Variants in ADAMTS16 observed in about 807,000 individuals in gnomAD.
ADAMTS16 encodes A disintegrin and metalloproteinase with thrombospondin motifs 16.
Under a neutral mutation model 145.8 loss-of-function variants are expected in ADAMTS16, and 94 were observed. The observed-to-expected ratio is 0.64, with a 90% confidence interval of 0.55 to 0.77. The LOEUF is 0.77. ADAMTS16 is among the 30% of genes least tolerant of loss of function. The probability of loss-of-function intolerance (pLI) is 0.00; values close to 1 mark genes in which losing one functional copy is unlikely to be tolerated. For synonymous variants in ADAMTS16, 659 were observed against 604.3 expected (o/e 1.09, Z -1.33); for missense variants, 1,585 against 1,591.5 (o/e 1.00, Z 0.07).
At chr5:5,236,700 T>C (rs1560961971) in intron 13 of ADAMTS16, among the ~76,000 whole-genome samples, 1 of 152,158 alleles carries the variant, frequency 6.6e-6, no homozygotes, top group Non-Finnish European at 1.5e-5. Flanking sequence ...CAAATATTTA[T>C]TGAATGCCTA....
At chr5:5,152,697 C>G (rs1203988606) in intron 3 of ADAMTS16, among the ~76,000 whole-genome samples, 1 of 152,186 alleles carries the variant, frequency 6.6e-6, no homozygotes, top group Non-Finnish European at 1.5e-5. Flanking sequence ...AACCATGGCT[C>G]AAACACTACC....
At chr5:5,215,377 G>A (rs1050921964) in intron 10 of ADAMTS16, among the ~76,000 whole-genome samples, 4 of 152,038 alleles carry the variant, frequency 2.6e-5, no homozygotes, top group African/African-American at 7.2e-5. Flanking sequence ...TGGGGTACAG[G>A]TGGTATTTGG....
intron 2 of ADAMTS16, among the ~76,000 whole-genome samples, chr5:5,145,509 G>A (rs150760907): frequency 8.5e-5 from 13 of 152,314 alleles, no homozygotes; most frequent in African/African-American, 3.1e-4. Context: ...CAAAATCCAG[G>A]TCGTTCTTCT....
chr5:5,196,497 G>A (rs150061764), intron 8 of ADAMTS16, among the ~76,000 whole-genome samples: 1 of 152,286 alleles, frequency 6.6e-6, no homozygotes, highest in East Asian at 1.9e-4. Flanking sequence ...CATCTGGACT[G>A]GGGATTGTCA....
intron 3 of ADAMTS16, among the ~76,000 whole-genome samples, chr5:5,149,656 T>A (rs2560413): frequency 1 from 151,795 of 152,340 alleles, 75,647 homozygotes; most frequent in Middle Eastern, 1. Flanking sequence ...TTGTGCAAAT[T>A]TCACTAGAAT....
In ADAMTS16 at chr5:5,168,689, T is replaced by C. The variant is rs1412203521; in HGVS notation, c.502-13355T>C. Among the ~76,000 whole-genome samples the C allele has an allele frequency of 1.7e-4, 3 of 17,968 alleles. No homozygotes were observed. In the East Asian group the frequency reaches 2.0e-3, roughly 12 times the overall value. 11.8% of individuals were successfully genotyped at this position (17,968 alleles called of 152,430 possible). On this transcript the variant is annotated intron_variant, in intron 3 of 22. Coordinates refer to ENST00000274181, the MANE Select transcript of ADAMTS16 (RefSeq NM_139056.4). ...TATATAATAATTATAATTATATAATTATATAAATATAATATATAATAATTA... is the reference window on the plus strand; with the variant it reads ...TATATAATAATTATAATTATATAATCATATAAATATAATATATAATAATTA...
rs1177843449 is a variant in ADAMTS16, at chr5:5,146,308, A to C, written c.354A>C (p.Leu118=). 2 of 1,614,194 alleles carry C rather than the reference A, an allele frequency of 1.2e-6. No individual in the cohort carries two copies. The change falls in exon 3 of 23, where the codon CTA becomes CTC. Residue 118 remains leucine (L), a synonymous_variant. Transcript: ENST00000274181. ...TGGATCTGAGGACTTCCAGCAGCCTAGTGGCTCCTGGCTTTATTGTGCAGA... is the reference window on the plus strand; with the variant it reads ...TGGATCTGAGGACTTCCAGCAGCCTCGTGGCTCCTGGCTTTATTGTGCAGA... ...FHMDLRTSSS[L]VAPGFIVQTL... is the part of the protein sequence containing the mutation.
chr5:5,272,663 C>T lies in ADAMTS16; in HGVS notation c.2789+9880C>T, dbSNP rs1000407886. Among the ~76,000 whole-genome samples, 14 of 152,302 alleles carry T rather than the reference C, an allele frequency of 9.2e-5. 2 individuals are homozygous for T. The highest frequency in any genetic ancestry group is 5.9e-4 in the Admixed American group (9 of 15,302). On this transcript the variant is annotated intron_variant, in intron 18 of 22. Coordinates refer to ENST00000274181, the MANE Select transcript of ADAMTS16 (RefSeq NM_139056.4). ...TACAGGCGTGAGCCACTGCCCCCGG[C>T]CCCAAAGGATTTTTAACAAGGGGCC...
intron 6 of ADAMTS16, among the ~76,000 whole-genome samples, chr5:5,188,577 GC>G (rs1371316062): frequency 1.3e-5 from 2 of 152,158 alleles, no homozygotes; most frequent in South Asian, 2.1e-4. Flanking sequence ...GGAGCCAAGA[GC>G]CCAGCCTCAG....
intron 12 of ADAMTS16, among the ~76,000 whole-genome samples, chr5:5,234,535 C>A (rs34595042): frequency 3.0e-3 from 458 of 152,282 alleles, no homozygotes; most frequent in Middle Eastern, 0.027. Flanking sequence ...GGGAGTGCAA[C>A]CTTACCATTC....
intron 18 of ADAMTS16, 56 bp from the exon 19 acceptor site, chr5:5,303,212 G>A (rs1431936168): frequency 1.2e-5 from 17 of 1,465,680 alleles, no homozygotes; most frequent in East Asian, 4.7e-5. Flanking sequence ...ATGTGGGGCC[G>A]CTTCTATCAG....
At chr5:5,312,755 GC>G in intron 21 of ADAMTS16, among the ~76,000 whole-genome samples, 1 of 152,300 alleles carries the variant, frequency 6.6e-6, no homozygotes, top group Middle Eastern at 3.4e-3. Context: ...GCTGCACCCA[GC>G]CCCCTTCCTT....
At position 5,274,294 on chromosome 5, in the gene ADAMTS16, A is replaced by T. The variant is rs543876273; in HGVS notation, c.2789+11511A>T. ...GTCTGGACAAATGTATTCTGACATC[A>T]ATCCACCATGATAGTATAATATAGG... is the stretch of plus-strand genomic sequence containing the variant. On this transcript the variant is annotated intron_variant, in intron 18 of 22. Transcript: ENST00000274181. Among the ~76,000 whole-genome samples the T allele has an allele frequency of 7.2e-4, 109 of 152,222 alleles. 1 individual carries two copies. The highest frequency in any genetic ancestry group is 2.6e-3 in the African/African-American group (108 of 41,514).
At chr5:5,297,400 T>C (rs1260853583) in intron 18 of ADAMTS16, among the ~76,000 whole-genome samples, 4 of 152,236 alleles carry the variant, frequency 2.6e-5, no homozygotes, top group Non-Finnish European at 5.9e-5. Flanking sequence ...ACCAGAGTGC[T>C]GTTGCCAATT....
chr5:5,146,029 G>A (rs1734282391), intron 2 of ADAMTS16, 101 bp from the exon 3 acceptor site: 2 of 1,024,362 alleles, frequency 2.0e-6, no homozygotes, highest in South Asian at 3.3e-5. Flanking sequence ...TTTTGACTGG[G>A]TGGAAAGGTC....
At chr5:5,279,323 G>A (rs73039191) in intron 18 of ADAMTS16, among the ~76,000 whole-genome samples, 2 of 152,204 alleles carry the variant, frequency 1.3e-5, no homozygotes, top group Admixed American at 1.3e-4. Context: ...TTCCCCAGGA[G>A]TTTTAGCGTA....
rs757268161 is a variant in ADAMTS16, at chr5:5,200,259, A to C, written c.1441A>C (p.Lys481Gln). 24 of 1,613,918 alleles carry C rather than the reference A, an allele frequency of 1.5e-5. No individual in the cohort carries two copies. Among genetic ancestry groups the C allele is most frequent in the Non-Finnish European group, 1.9e-5 (23 of 1,179,958 alleles). The change falls in exon 9 of 23, where the codon AAA becomes CAA. Residue 481 changes from lysine (K) to glutamine (Q), a missense_variant. Around this residue, in one of 3 missense-constraint regions of ADAMTS16, gnomAD observed 298 missense variants for 367.6 expected, o/e 0.81. Coordinates refer to ENST00000274181, the MANE Select transcript of ADAMTS16 (RefSeq NM_139056.4). Reference sequence around the variant, plus strand: ...ACCCTGCAGCCGCCAGTATCTACACAAATTTCTAAGGTAGGAACTCTTTAA... The same window carrying C: ...ACCCTGCAGCCGCCAGTATCTACACCAATTTCTAAGGTAGGAACTCTTTAA... Reference protein sequence around the residue: ...WSPCSRQYLHKFLSTAQAICL... With the variant: ...WSPCSRQYLHQFLSTAQAICL...
intron 10 of ADAMTS16, among the ~76,000 whole-genome samples, chr5:5,215,812 TATATATATGTGGTATATATATGTG>T (rs1205101308): frequency 3.8e-5 from 5 of 130,732 alleles, no homozygotes; most frequent in South Asian, 5.0e-4. Flanking sequence ...ATATGTGTGG[TATATATATGTGGTATATATATGTG>T]GTGTGTATAT....
At chr5:5,250,703 T>TTC (rs766416461) in intron 17 of ADAMTS16, among the ~76,000 whole-genome samples, 21 of 7,670 alleles carry the variant, frequency 2.7e-3, no homozygotes, top group South Asian at 0.013. Context: ...TGTCTGTCTC[T>TTC]TCTCTCTGTG....
Sources: gnomAD v4.1 joint callset for allele counts (sites outside exome capture counted in the v4.1 genomes callset) on GRCh38, gnomAD v4.1.1 for gene constraint, gnomAD v4.1.1 regional missense constraint, MANE v1.5 for transcripts, NCBI Gene and HGNC (gene_info 2026-07-23, HGNC 2026-07-21) for gene names.